PMS1: variants seen among roughly 807,000 people sequenced by gnomAD.
PMS1 encodes the protein PMS1 protein homolog 1.
Under a neutral mutation model 93.1 loss-of-function variants are expected in PMS1, and 79 were observed. The ratio of observed to expected loss-of-function variants is 0.85; its 90% CI spans 0.71 to 1.02. The LOEUF (loss-of-function observed/expected upper bound fraction) is 1.02, where lower values mean the gene tolerates loss of function less well. Among genes scored for constraint, PMS1 ranks in the 50% least tolerant of loss-of-function variants. The pLI is 0.00. For synonymous variants in PMS1, 335 were observed against 363.4 expected (o/e 0.92, Z 0.89); for missense variants, 1,064 against 1,085.3 (o/e 0.98, Z 0.28).
intron 5 of PMS1, among the ~76,000 whole-genome samples, chr2:189,836,931 G>C (rs974398777): frequency 1.3e-5 from 2 of 152,122 alleles, no homozygotes; most frequent in Non-Finnish European, 2.9e-5. Flanking sequence ...TAGCATCCTT[G>C]CATTAATCAG....
intron 6 of PMS1, among the ~76,000 whole-genome samples, chr2:189,847,205 T>G (rs1468577392): frequency 1.3e-5 from 2 of 152,216 alleles, no homozygotes; most frequent in Non-Finnish European, 2.9e-5. Flanking sequence ...TACAAGGATG[T>G]GTCTAAGTGT....
intron 10 of PMS1, among the ~76,000 whole-genome samples, chr2:189,867,088 A>G (rs1328082417): frequency 6.6e-6 from 1 of 152,232 alleles, no homozygotes; most frequent in East Asian, 1.9e-4. Context: ...ATACATACCT[A>G]GGACAATATC....
At chr2:189,864,577 A>G (rs2056384753) in intron 10 of PMS1, among the ~76,000 whole-genome samples, 1 of 140,332 alleles carries the variant, frequency 7.1e-6, no homozygotes, top group African/African-American at 2.7e-5. Flanking sequence ...AATCGCTTGA[A>G]CCTGGGAGGT....
At chr2:189,810,102 A>C (rs896490555) in intron 4 of PMS1, among the ~76,000 whole-genome samples, 1 of 152,186 alleles carries the variant, frequency 6.6e-6, no homozygotes, top group African/African-American at 2.4e-5. Context: ...TAATGACAAA[A>C]TGAAGCCACT....
chr2:189,860,060 A>G (rs897502083), intron 9 of PMS1, among the ~76,000 whole-genome samples: 1 of 152,062 alleles, frequency 6.6e-6, no homozygotes, highest in Non-Finnish European at 1.5e-5. Flanking sequence ...GTGGCCCCAC[A>G]CTTTCTTAAA....
chr2:189,821,963 A>T (rs956114255), intron 5 of PMS1, among the ~76,000 whole-genome samples: 2 of 152,164 alleles, frequency 1.3e-5, no homozygotes, highest in Non-Finnish European at 2.9e-5. Flanking sequence ...CATTTTCCCA[A>T]CCAATGTAAG....
intron 3 of PMS1, among the ~76,000 whole-genome samples, chr2:189,801,458 G>T (rs1229123465): frequency 3.3e-5 from 5 of 152,016 alleles, no homozygotes; most frequent in Admixed American, 6.6e-5. Context: ...TAAAGATTGT[G>T]TATATTATTC....
intron 11 of PMS1, among the ~76,000 whole-genome samples, chr2:189,868,525 C>A (rs1034121121): frequency 3.9e-5 from 6 of 152,154 alleles, no homozygotes; most frequent in African/African-American, 1.4e-4. Context: ...TTTATAGTTT[C>A]CATACTCAAC....
In PMS1 at chr2:189,873,504, A is replaced by G. The variant is rs1261245433; in HGVS notation, c.2482A>G (p.Ile828Val). 1.0e-5 allele frequency: 16 copies of G among 1,589,404 alleles called. No individual in the cohort carries two copies. Among genetic ancestry groups the G allele is most frequent in the African/African-American group, 4.0e-5 (3 of 74,478 alleles). The change falls in exon 12 of 13, where the codon ATT becomes GTT. Residue 828 changes from isoleucine to valine, a missense_variant. Coordinates refer to ENST00000441310, the MANE Select transcript of PMS1 (RefSeq NM_000534.5). ...FKIKLIPGVS[I>V]TENYLEIEGM... is the part of the protein sequence containing the mutation. ...TATTTTTTTTCTTTCAGGAGTTTCA[A>G]TTACTGAAAATTACTTGGAAATAGA...
chr2:189,790,815 G>A (rs1358258398), intron 1 of PMS1, among the ~76,000 whole-genome samples: 1 of 152,204 alleles, frequency 6.6e-6, no homozygotes, highest in African/African-American at 2.4e-5. Context: ...CTAAATGTGA[G>A]AAATACTGAG....
At chr2:189,811,772 AT>A (rs954910748) in intron 4 of PMS1, among the ~76,000 whole-genome samples, 1 of 152,178 alleles carries the variant, frequency 6.6e-6, no homozygotes, top group Non-Finnish European at 1.5e-5. Flanking sequence ...AAAACCAGTA[AT>A]GTGTTGGACA....
rs187869997 is a variant in PMS1, at chr2:189,792,816, T to A, written c.132+875T>A. The stretch of plus-strand genomic sequence containing the variant: ...TATTTTTTATTTATTTATTTATTTA[T>A]TTTTTATTTTTTTGAGGCAGAGTCT... On this transcript the variant is annotated intron_variant, in intron 2 of 12. Transcript: ENST00000441310. 6.9e-4 allele frequency among the ~76,000 whole-genome samples: 104 copies of A among 151,056 alleles called. 1 individual carries two copies. The East Asian group carries it at 0.016, about 23-fold the overall frequency.
chr2:189,791,887 A>G lies in PMS1; in HGVS notation c.78A>G (p.Lys26=), dbSNP rs2048899529. The G allele has an allele frequency of 6.2e-7, 1 of 1,614,046 alleles. No individual in the cohort carries two copies. Among genetic ancestry groups the G allele is most frequent in the Non-Finnish European group, 8.5e-7 (1 of 1,179,876 alleles). ...QIITSVVSVV[K]ELIENSLDAG... Reference sequence around the variant, plus strand: ...TCACTTCGGTGGTCAGTGTTGTAAAAGAGCTTATTGAAAACTCCTTGGATG... The same window carrying G: ...TCACTTCGGTGGTCAGTGTTGTAAAGGAGCTTATTGAAAACTCCTTGGATG... The change falls in exon 2 of 13, where the codon AAA becomes AAG. Residue 26 remains lysine, a synonymous_variant. Coordinates refer to ENST00000441310, the MANE Select transcript of PMS1 (RefSeq NM_000534.5).
At chr2:189,798,761 T>C (rs991517054) in intron 3 of PMS1, among the ~76,000 whole-genome samples, 1 of 148,418 alleles carries the variant, frequency 6.7e-6, no homozygotes, top group Non-Finnish European at 1.5e-5. Context: ...TATTTGATTT[T>C]TTTTTTTTTT....
At chr2:189,871,406 T>A (rs1190510487) in intron 11 of PMS1, among the ~76,000 whole-genome samples, 2 of 152,186 alleles carry the variant, frequency 1.3e-5, no homozygotes, top group Non-Finnish European at 2.9e-5. Flanking sequence ...GGGCCACATG[T>A]GGCCCACAGA....
intron 2 of PMS1, among the ~76,000 whole-genome samples, chr2:189,793,007 G>A (rs1167446683): frequency 1.3e-5 from 2 of 151,776 alleles, no homozygotes; most frequent in Non-Finnish European, 2.9e-5. Flanking sequence ...ATGGGGTTTC[G>A]CCATGTCGGC....
intron 9 of PMS1, among the ~76,000 whole-genome samples, chr2:189,860,309 T>A (rs778406906): frequency 2.1e-4 from 32 of 152,346 alleles, no homozygotes; most frequent in Non-Finnish European, 4.4e-4. Context: ...ACTTCACATG[T>A]GTATAAAATC....
chr2:189,822,239 G>A (rs950364152), intron 5 of PMS1, among the ~76,000 whole-genome samples: 1 of 152,206 alleles, frequency 6.6e-6, no homozygotes, highest in Admixed American at 6.5e-5. Flanking sequence ...GGGAGAGTCC[G>A]ATGCGCCTGG....
Position 189,854,260 on chromosome 2 carries a change from G to C in PMS1, c.988G>C (p.Glu330Gln), listed in dbSNP as rs759285880. ...QNKESVLIAL[E>Q]NLMTTCYGPL... ...TTAGGAATCTGTTTTAATTGCTCTTGAAAATCTGATGACGACTTGTTATGG... is the reference window on the plus strand; with the variant it reads ...TTAGGAATCTGTTTTAATTGCTCTTCAAAATCTGATGACGACTTGTTATGG... Residue 330 changes from glutamate (E) to glutamine (Q), a missense_variant, in exon 9 of 13, where the codon GAA becomes CAA. Glu to Gln is a conservative substitution (Grantham distance 29). Transcript: ENST00000441310. 2 of 1,592,984 alleles carry C rather than the reference G, an allele frequency of 1.3e-6. No homozygotes were observed.
Sources: allele counts gnomAD v4.1 joint callset (sites outside exome capture counted in the v4.1 genomes callset), GRCh38; gene constraint gnomAD v4.1.1; transcripts MANE v1.5; gene names NCBI Gene and HGNC (gene_info 2026-07-23, HGNC 2026-07-21).